ANTXR1: variants seen among roughly 807,000 people sequenced by gnomAD.
ANTXR1 encodes anthrax toxin receptor 1.
In ANTXR1, 19 loss-of-function variants were observed where a neutral mutation model predicts 78.1. The ratio of observed to expected loss-of-function variants is 0.24; its 90% CI spans 0.17 to 0.36. ANTXR1 has a LOEUF of 0.36. ANTXR1 is among the 10% of genes least tolerant of loss of function. ANTXR1 has a pLI of 1.00. For synonymous variants in ANTXR1, 273 were observed against 260.5 expected, an observed-to-expected ratio of 1.05 and a Z score of -0.46; for missense variants, 518 against 718.6, an observed-to-expected ratio of 0.72 and a Z score of 3.19.
chr2:69,014,927 G>A (rs1670976414), intron 1 of ANTXR1, among the ~76,000 whole-genome samples: 1 of 152,168 alleles, frequency 6.6e-6, no homozygotes, highest in Admixed American at 6.5e-5. Flanking sequence ...ATGCTCCAGT[G>A]CTAAGGAATG....
At chr2:69,187,802 G>A (rs1461220161) in intron 16 of ANTXR1, among the ~76,000 whole-genome samples, 2 of 151,110 alleles carry the variant, frequency 1.3e-5, no homozygotes, top group Non-Finnish European at 3.0e-5. Flanking sequence ...TGTTGGCCAG[G>A]ATGATCTCAA....
chr2:69,072,648 G>A (rs956343811), intron 5 of ANTXR1, among the ~76,000 whole-genome samples: 14 of 152,348 alleles, frequency 9.2e-5, no homozygotes, highest in African/African-American at 3.4e-4. Flanking sequence ...AGGTGACAAG[G>A]ACGTCTGAAC....
chr2:69,194,716 G>GGTGGC (rs1261863022), intron 17 of ANTXR1, among the ~76,000 whole-genome samples: 1 of 152,110 alleles, frequency 6.6e-6, no homozygotes, highest in Non-Finnish European at 1.5e-5. Context: ...AGCTAGGTAT[G>GGTGGC]GTGGCACATG....
At chr2:69,084,013 C>T (rs555780755) in intron 8 of ANTXR1, among the ~76,000 whole-genome samples, 1 of 152,316 alleles carries the variant, frequency 6.6e-6, no homozygotes, top group African/African-American at 2.4e-5. Context: ...AACAAGAATT[C>T]CCAGAGCTTG....
intron 13 of ANTXR1, among the ~76,000 whole-genome samples, chr2:69,168,214 A>G (rs1341737315): frequency 6.6e-6 from 1 of 152,244 alleles, no homozygotes; most frequent in Non-Finnish European, 1.5e-5. Context: ...TCAAGGTAAG[A>G]GACAAATACA....
chr2:69,181,755 G>T, intron 14 of ANTXR1, 31 bp from the exon 15 acceptor site: 1 of 1,608,162 alleles, frequency 6.2e-7, no homozygotes, highest in Non-Finnish European at 8.5e-7. Context: ...GTGCTGTTTT[G>T]CTTCCTTCAT....
chr2:69,029,282 G>T (rs941579548), intron 1 of ANTXR1, among the ~76,000 whole-genome samples: 10 of 148,950 alleles, frequency 6.7e-5, no homozygotes, highest in Admixed American at 3.4e-4. Context: ...CTAGATCCAG[G>T]ATATCTAATA....
chr2:69,046,776 T>C (rs181322434), intron 3 of ANTXR1, among the ~76,000 whole-genome samples: 1 of 152,302 alleles, frequency 6.6e-6, no homozygotes, highest in Admixed American at 6.5e-5. Flanking sequence ...AGTGTTTTAG[T>C]TGGGCACAGG....
chr2:69,245,483 T>G lies in ANTXR1; in HGVS notation c.1693T>G (p.Ter565GluextTer23). 6.2e-7 allele frequency: 1 copy of G among 1,607,276 alleles called. No homozygotes were observed. The highest frequency in any genetic ancestry group is 8.5e-7 in the Non-Finnish European group (1 of 1,176,364). ...PSRPPPRPSV* is the reference protein window; with the variant it reads ...PSRPPPRPSVE Reference sequence around the variant, plus strand: ...CCGCCCTCCTCCAAGGCCTTCTGTCTAGAGCCCAAAGTTCCTGCTCTGGGC... The same window carrying G: ...CCGCCCTCCTCCAAGGCCTTCTGTCGAGAGCCCAAAGTTCCTGCTCTGGGC... The change falls in exon 18 of 18, where the codon TAG (stop) becomes GAG (glutamate). Residue 565 changes from the stop codon to glutamate, a stop_lost. Transcript: ENST00000303714.
intron 3 of ANTXR1, among the ~76,000 whole-genome samples, chr2:69,050,368 T>G (rs1669895354): frequency 2.0e-5 from 3 of 151,974 alleles, no homozygotes; most frequent in Admixed American, 2.0e-4. Context: ...TACAATAAAC[T>G]TTATCATGGT....
At chr2:69,232,745 A>G (rs1558663112) in intron 17 of ANTXR1, among the ~76,000 whole-genome samples, 1 of 152,228 alleles carries the variant, frequency 6.6e-6, no homozygotes, top group Non-Finnish European at 1.5e-5. Flanking sequence ...AAACAAATCT[A>G]CAGACAGCAG....
chr2:69,152,888 A>G (rs895614168), intron 13 of ANTXR1, among the ~76,000 whole-genome samples: 3 of 152,152 alleles, frequency 2.0e-5, no homozygotes, highest in African/African-American at 4.8e-5. Context: ...TCACATGACA[A>G]TGTCTCCCCA....
Position 69,193,392 on chromosome 2 carries a change from A to C in ANTXR1, c.1411A>C (p.Met471Leu), listed in dbSNP as rs1021946027. ...LRKGYDRVSV[M>L]RPQPGDTGRC... ...GAAAGGATATGATCGTGTGTCTGTG[A>C]TGCGTCCACAGCCAGGAGACACGGT... is the stretch of plus-strand genomic sequence containing the variant. The change falls in exon 17 of 18, where the codon ATG becomes CTG. Residue 471 changes from methionine (M) to leucine (L), a missense_variant. Met to Leu is a conservative substitution (Grantham distance 15). This residue lies in a region of ANTXR1 where 192 missense variants were observed against 230.2 expected (regional missense o/e 0.83). Coordinates refer to ENST00000303714, the MANE Select transcript of ANTXR1 (RefSeq NM_032208.3). 1.9e-5 allele frequency: 30 copies of C among 1,612,166 alleles called. No homozygotes were observed. Among genetic ancestry groups the C allele is most frequent in the Non-Finnish European group, 2.5e-5 (30 of 1,179,146 alleles).
intron 12 of ANTXR1, among the ~76,000 whole-genome samples, chr2:69,126,681 G>A (rs1005530476): frequency 3.3e-5 from 5 of 151,552 alleles, no homozygotes; most frequent in African/African-American, 9.7e-5. Flanking sequence ...CTAAACTTGT[G>A]GTATGGCAAA....
intron 1 of ANTXR1, among the ~76,000 whole-genome samples, chr2:69,027,741 A>G (rs1485574024): frequency 6.6e-6 from 1 of 151,840 alleles, no homozygotes; most frequent in African/African-American, 2.4e-5. Flanking sequence ...AAAGTTTAGC[A>G]CCTTAAGATA....
At chr2:69,245,094 T>G in intron 17 of ANTXR1, 131 bp from the exon 18 acceptor site, 1 of 997,210 alleles carries the variant, frequency 1.0e-6, no homozygotes, top group East Asian at 2.4e-5. Context: ...AGTTCTACTA[T>G]GTGCCACTAG....
chr2:69,027,236 C>T (rs1671371591), intron 1 of ANTXR1, among the ~76,000 whole-genome samples: 1 of 152,158 alleles, frequency 6.6e-6, no homozygotes, highest in African/African-American at 2.4e-5. Flanking sequence ...AAACCAGGCA[C>T]CTCCATGACT....
chr2:69,218,228 G>A (rs183944052), intron 17 of ANTXR1, among the ~76,000 whole-genome samples: 9 of 152,330 alleles, frequency 5.9e-5, no homozygotes, highest in African/African-American at 1.9e-4. Flanking sequence ...AAGCTGGCAA[G>A]ATTCAGCTGT....
At chr2:69,201,598 C>A (rs73934798) in intron 17 of ANTXR1, among the ~76,000 whole-genome samples, 2 of 152,278 alleles carry the variant, frequency 1.3e-5, no homozygotes, top group African/African-American at 4.8e-5. Context: ...GAGGCTGGCA[C>A]CCTGAAGTGC....
Sources: allele counts gnomAD v4.1 joint callset (sites outside exome capture counted in the v4.1 genomes callset), GRCh38; gene constraint gnomAD v4.1.1; regional missense constraint gnomAD v4.1.1; transcripts MANE v1.5; gene names NCBI Gene and HGNC (gene_info 2026-07-23, HGNC 2026-07-21).